Variants in KHDRBS2 observed in about 807,000 individuals in gnomAD.
The protein encoded by KHDRBS2 is KH RNA binding domain containing, signal transduction associated 2, also known as KH domain-containing, RNA-binding, signal transduction-associated protein 2.
KHDRBS2 carries 26 observed loss-of-function variants against 44.3 expected under a neutral mutation model. The ratio of observed to expected loss-of-function variants is 0.59; its 90% CI spans 0.43 to 0.81. The LOEUF (loss-of-function observed/expected upper bound fraction) is 0.81. KHDRBS2 is among the 40% of genes least tolerant of loss of function. The pLI is 0.00. For missense variants in KHDRBS2, 476 were observed against 433.1 expected (o/e 1.10, Z -0.88); for synonymous variants, 194 against 151.1 (o/e 1.28, Z -2.08).
intron 3 of KHDRBS2, among the ~76,000 whole-genome samples, chr6:62,025,656 G>A (rs1284154975): frequency 6.6e-6 from 1 of 151,606 alleles, no homozygotes; most frequent in Non-Finnish European, 1.5e-5. Context: ...TTTTTTGGTA[G>A]TATCAGGGTT....
intron 2 of KHDRBS2, among the ~76,000 whole-genome samples, chr6:62,176,142 G>A (rs1401609604): frequency 1.3e-5 from 2 of 151,270 alleles, no homozygotes; most frequent in African/African-American, 4.8e-5. Flanking sequence ...AATTTTTCAT[G>A]TACATTTCTA....
At chr6:61,908,179 T>C (rs1263308109) in intron 4 of KHDRBS2, among the ~76,000 whole-genome samples, 1 of 152,168 alleles carries the variant, frequency 6.6e-6, no homozygotes, top group Non-Finnish European at 1.5e-5. Flanking sequence ...TTTATTACTT[T>C]AGTATTAAAA....
intron 4 of KHDRBS2, among the ~76,000 whole-genome samples, chr6:61,974,609 T>C (rs1204129056): frequency 3.7e-5 from 4 of 109,318 alleles, no homozygotes; most frequent in African/African-American, 1.1e-4. Context: ...AGGTGTTTTA[T>C]TGACCCTTGA....
At chr6:61,955,002 A>G (rs1284863251) in intron 4 of KHDRBS2, among the ~76,000 whole-genome samples, 1 of 144,400 alleles carries the variant, frequency 6.9e-6, no homozygotes, top group Non-Finnish European at 1.5e-5. Context: ...ATATAGACAT[A>G]CATATGTATG....
intron 1 of KHDRBS2, among the ~76,000 whole-genome samples, chr6:62,209,361 T>C (rs1463750440): frequency 6.6e-6 from 1 of 152,158 alleles, no homozygotes; most frequent in Admixed American, 6.5e-5. Flanking sequence ...GCAGAACATA[T>C]TTTGTTAAAG....
intron 3 of KHDRBS2, among the ~76,000 whole-genome samples, chr6:62,033,405 A>C (rs968326953): frequency 6.6e-6 from 1 of 151,984 alleles, no homozygotes; most frequent in African/African-American, 2.4e-5. Context: ...GACTACCTGA[A>C]GGCATTTAAT....
chr6:61,912,137 G>A (rs1400504516), intron 4 of KHDRBS2, among the ~76,000 whole-genome samples: 4 of 151,934 alleles, frequency 2.6e-5, no homozygotes, highest in Non-Finnish European at 5.9e-5. Context: ...ACAAAATAAA[G>A]GAGAAAATGA....
intron 1 of KHDRBS2, among the ~76,000 whole-genome samples, chr6:62,243,046 A>C (rs1356448044): frequency 6.6e-6 from 1 of 152,186 alleles, no homozygotes; most frequent in Non-Finnish European, 1.5e-5. Context: ...CTGAAGCTAA[A>C]AGGAAGCCAC....
At chr6:61,894,278 A>C (rs1366071725) in intron 6 of KHDRBS2, among the ~76,000 whole-genome samples, 1 of 152,176 alleles carries the variant, frequency 6.6e-6, no homozygotes. Context: ...TATTTGTTAA[A>C]TATTTCTGAG....
At chr6:61,833,143 A>C (rs1306353945) in intron 6 of KHDRBS2, among the ~76,000 whole-genome samples, 1 of 152,174 alleles carries the variant, frequency 6.6e-6, no homozygotes, top group Non-Finnish European at 1.5e-5. Flanking sequence ...AGGTGCTTAA[A>C]AGACAAAATG....
At chr6:62,135,145 C>T (rs1811224104) in intron 2 of KHDRBS2, among the ~76,000 whole-genome samples, 1 of 152,122 alleles carries the variant, frequency 6.6e-6, no homozygotes, top group South Asian at 2.1e-4. Flanking sequence ...ATGATTCCCA[C>T]CTGTTGTGGG....
At chr6:61,694,730 C>T (rs765978335) in intron 8 of KHDRBS2, among the ~76,000 whole-genome samples, 1 of 152,194 alleles carries the variant, frequency 6.6e-6, no homozygotes, top group Middle Eastern at 3.4e-3. Flanking sequence ...TTATTAAATA[C>T]CATCTAATGC....
At chr6:62,279,806 G>C (rs546675166) in intron 1 of KHDRBS2, among the ~76,000 whole-genome samples, 1 of 152,196 alleles carries the variant, frequency 6.6e-6, no homozygotes, top group Admixed American at 6.5e-5. Flanking sequence ...AGAGAGAAGA[G>C]CAAGTGTTAT....
chr6:62,018,678 C>T (rs1781709409), intron 3 of KHDRBS2, among the ~76,000 whole-genome samples: 2 of 151,984 alleles, frequency 1.3e-5, no homozygotes, highest in African/African-American at 2.4e-5. Context: ...CCAAACTATC[C>T]CAGGATACCA....
At chr6:62,066,017 C>T (rs560218897) in intron 2 of KHDRBS2, among the ~76,000 whole-genome samples, 22 of 151,576 alleles carry the variant, frequency 1.5e-4, no homozygotes, top group Non-Finnish European at 3.0e-4. Context: ...TGTTTTTCAT[C>T]CTGTGTGGAG....
At chr6:62,109,637 A>G (rs1804526980) in intron 2 of KHDRBS2, among the ~76,000 whole-genome samples, 1 of 152,010 alleles carries the variant, frequency 6.6e-6, no homozygotes, top group Non-Finnish European at 1.5e-5. Flanking sequence ...GCAATGAACA[A>G]TTGAAAAATA....
chr6:61,919,940 A>G (rs1022482522), intron 4 of KHDRBS2, among the ~76,000 whole-genome samples: 1 of 151,786 alleles, frequency 6.6e-6, no homozygotes, highest in Non-Finnish European at 1.5e-5. Context: ...CTCTTTTATG[A>G]TTCTACGAAT....
chr6:61,883,775 T>C (rs1046344614), intron 6 of KHDRBS2, among the ~76,000 whole-genome samples: 2 of 152,074 alleles, frequency 1.3e-5, no homozygotes, highest in African/African-American at 4.8e-5. Flanking sequence ...GTTTTAGTTA[T>C]TTTAAATATT....
chr6:61,558,778 G>T, the KHDRBS2 span, among the ~76,000 whole-genome samples: 1 of 152,134 alleles, frequency 6.6e-6, no homozygotes, highest in Non-Finnish European at 1.5e-5. Flanking sequence ...GGTCAGAGAA[G>T]TTACTTGACA....
Sources: allele counts gnomAD v4.1 joint callset (sites outside exome capture counted in the v4.1 genomes callset), GRCh38; gene constraint gnomAD v4.1.1; transcripts MANE v1.5; gene names NCBI Gene and HGNC (gene_info 2026-07-23, HGNC 2026-07-21).